Variants in TCF3 observed in about 807,000 individuals in gnomAD.
The protein encoded by TCF3 is transcription factor 3.
TCF3 carries 54 observed loss-of-function variants against 72.3 expected under a neutral mutation model. That is an observed-to-expected ratio of 0.75 (90% CI 0.60 to 0.94). The LOEUF (loss-of-function observed/expected upper bound fraction) is 0.94. Ranked by LOEUF, TCF3 falls within the 40% of genes least tolerant of loss-of-function variation. The probability of loss-of-function intolerance (pLI) is 0.00; values close to 1 mark genes in which losing one functional copy is unlikely to be tolerated. For missense variants in TCF3, 1,078 were observed against 934.4 expected, an observed-to-expected ratio of 1.15 and a Z score of -2.00; for synonymous variants, 525 against 412.6, an observed-to-expected ratio of 1.27 and a Z score of -3.30.
intron 3 of TCF3, among the ~76,000 whole-genome samples, chr19:1,646,082 A>C (rs2066043986): frequency 6.6e-6 from 1 of 151,990 alleles, no homozygotes. Flanking sequence ...TGCGCCTAAA[A>C]ACAAGCCCCA....
Position 1,621,244 on chromosome 19 carries a change from G to A in TCF3, c.956-53C>T, listed in dbSNP as rs1209627163. Reference sequence around the variant, plus strand: ...GCAGCCCGGCCTGGGTGCTGCCGCCGACGGCAAGCTCTCCTGCGTTCTGCC... The same window carrying A: ...GCAGCCCGGCCTGGGTGCTGCCGCCAACGGCAAGCTCTCCTGCGTTCTGCC... On this transcript the variant is annotated intron_variant, in intron 11 of 18. Coordinates refer to ENST00000262965, the MANE Select transcript of TCF3 (RefSeq NM_003200.5). The A allele has an allele frequency of 7.3e-6, 11 of 1,514,976 alleles. No homozygotes were observed. The East Asian group carries it at 7.4e-5, about 10-fold the overall frequency. 93.8% of individuals were successfully genotyped at this position (1,514,976 alleles called of 1,614,324 possible). A position where few individuals can be genotyped will look rare whatever the true frequency, so the allele number is the denominator to read the frequency against.
chr19:1,645,196 G>A (rs556182251), intron 3 of TCF3, among the ~76,000 whole-genome samples: 1 of 152,086 alleles, frequency 6.6e-6, no homozygotes, highest in Non-Finnish European at 1.5e-5. Context: ...GGGGATTCTG[G>A]AGATAACTGC....
chr19:1,634,882 G>A (rs1395161133), intron 3 of TCF3, among the ~76,000 whole-genome samples: 2 of 152,216 alleles, frequency 1.3e-5, no homozygotes, highest in Non-Finnish European at 2.9e-5. Context: ...TGCAACAGTA[G>A]AGTTGAATCA....
intron 8 of TCF3, 39 bp from the exon 9 acceptor site, chr19:1,622,454 G>T: frequency 1.9e-6 from 2 of 1,075,960 alleles, no homozygotes; most frequent in South Asian, 1.6e-5. Context: ...AGTCAGGACG[G>T]AGGGACCACG....
At chr19:1,641,319 T>G (rs1043346993) in intron 3 of TCF3, among the ~76,000 whole-genome samples, 1 of 151,906 alleles carries the variant, frequency 6.6e-6, no homozygotes, top group Non-Finnish European at 1.5e-5. Flanking sequence ...CACAAAATAC[T>G]CAAAGTGAAA....
chr19:1,645,133 C>T (rs1297082258), intron 3 of TCF3, among the ~76,000 whole-genome samples: 6 of 152,080 alleles, frequency 3.9e-5, no homozygotes, highest in Non-Finnish European at 7.4e-5. Context: ...AAGTACAGAA[C>T]CCCCTTTGCC....
rs527644879 is a variant in TCF3, at chr19:1,609,634, A to T, written c.*2073T>A. 422 of 223,280 alleles carry T rather than the reference A, an allele frequency of 1.9e-3. 3 individuals carry two copies. The highest frequency in any genetic ancestry group is 4.9e-3 in the Admixed American group (85 of 17,352). 13.8% of individuals were successfully genotyped at this position (223,280 alleles called of 1,614,324 possible). On this transcript the variant is annotated 3_prime_UTR_variant, in exon 19 of 19. Transcript: ENST00000262965. ...GGGCCAGGAGCAAAACAAGAGGGAG[A>T]GGCAAGTTCCCTTAAGAGATCAAAC...
intron 3 of TCF3, among the ~76,000 whole-genome samples, chr19:1,632,787 CTG>C (rs1489689613): frequency 6.6e-6 from 1 of 152,184 alleles, no homozygotes; most frequent in African/African-American, 2.4e-5. Flanking sequence ...ACTGGGGTCT[CTG>C]TGTCAGATGC....
chr19:1,642,384 C>T (rs1046238182), intron 3 of TCF3, among the ~76,000 whole-genome samples: 5 of 152,200 alleles, frequency 3.3e-5, no homozygotes, highest in Admixed American at 6.5e-5. Flanking sequence ...GCACCAATGT[C>T]GGCTTCCTAG....
intron 3 of TCF3, among the ~76,000 whole-genome samples, chr19:1,633,029 G>C (rs1445345874): frequency 6.7e-6 from 1 of 149,020 alleles, no homozygotes; most frequent in East Asian, 2.1e-4. Flanking sequence ...GTGGAGACCA[G>C]AAGCCTGCGT....
At chr19:1,620,422 G>A (rs537505318) in intron 13 of TCF3, among the ~76,000 whole-genome samples, 15 of 152,266 alleles carry the variant, frequency 9.9e-5, no homozygotes, top group Middle Eastern at 3.4e-3. Flanking sequence ...CTCCCATGCC[G>A]GAGCACCGCA....
Position 1,611,051 on chromosome 19 carries a change from G to A in TCF3, c.*656C>T, listed in dbSNP as rs761733370. 3.5e-5 allele frequency: 8 copies of A among 229,104 alleles called. No homozygotes were observed. The highest frequency in any genetic ancestry group is 6.0e-5 in the Non-Finnish European group (7 of 115,738). The allele number at this position is 229,104 out of a possible 1,614,324, so 14.2% of individuals were successfully genotyped here. On this transcript the variant is annotated 3_prime_UTR_variant, in exon 19 of 19. Coordinates refer to ENST00000262965, the MANE Select transcript of TCF3 (RefSeq NM_003200.5). ...CAGCAGCAGAAATAGCGAGAGACAC[G>A]GGACTTTTATACAAAAAAATTTGTT...
chr19:1,642,149 C>T (rs962376082), intron 3 of TCF3, among the ~76,000 whole-genome samples: 2 of 150,596 alleles, frequency 1.3e-5, no homozygotes, highest in African/African-American at 4.9e-5. Flanking sequence ...CACACACACA[C>T]ACACACACAC....
intron 18 of TCF3, among the ~76,000 whole-genome samples, chr19:1,613,291 A>C (rs1166710154): frequency 6.6e-6 from 1 of 152,058 alleles, no homozygotes; most frequent in African/African-American, 2.4e-5. Flanking sequence ...GTGCCCTCAG[A>C]CTCAGCTCTA....
intron 3 of TCF3, among the ~76,000 whole-genome samples, chr19:1,644,903 C>A (rs1390348101): frequency 3.9e-5 from 6 of 152,164 alleles, no homozygotes; most frequent in Middle Eastern, 6.8e-3. Flanking sequence ...TCCAGGAAGC[C>A]CCCAGGGCCT....
At chr19:1,617,435 CAT>C (rs563710102) in intron 16 of TCF3, among the ~76,000 whole-genome samples, 34 of 152,372 alleles carry the variant, frequency 2.2e-4, no homozygotes, top group Admixed American at 1.2e-3. Context: ...AATTGCAAAA[CAT>C]GTGGCTTAAG....
chr19:1,609,405 G>C lies in TCF3; in HGVS notation c.*2302C>G. The C allele has an allele frequency of 4.8e-6, 1 of 208,332 alleles. No homozygotes were observed. Among genetic ancestry groups the C allele is most frequent in the East Asian group, 7.2e-5 (1 of 13,888 alleles). The allele number at this position is 208,332 out of a possible 1,614,324, so 12.9% of individuals were successfully genotyped here. On this transcript the variant is annotated 3_prime_UTR_variant, in exon 19 of 19. Transcript: ENST00000262965. ...TCCCAATCATCCAGCCAGCTGTGTTGACACGTATACAATTATTTTCTTTAA... is the reference window on the plus strand; with the variant it reads ...TCCCAATCATCCAGCCAGCTGTGTTCACACGTATACAATTATTTTCTTTAA...
chr19:1,643,316 G>A (rs181713001), intron 3 of TCF3, among the ~76,000 whole-genome samples: 8 of 151,858 alleles, frequency 5.3e-5, no homozygotes, highest in Admixed American at 2.0e-4. Flanking sequence ...CGCCTCCCAG[G>A]CTCCAGCAAT....
chr19:1,626,425 G>A (rs2062881616), intron 6 of TCF3, among the ~76,000 whole-genome samples: 1 of 152,050 alleles, frequency 6.6e-6, no homozygotes, highest in Non-Finnish European at 1.5e-5. Context: ...ACTCCAGCCT[G>A]GGCCATGAGC....
Sources: allele counts gnomAD v4.1 joint callset (sites outside exome capture counted in the v4.1 genomes callset), GRCh38; gene constraint gnomAD v4.1.1; transcripts MANE v1.5; gene names NCBI Gene and HGNC (gene_info 2026-07-23, HGNC 2026-07-21).